ITGA2: variants seen among roughly 807,000 people sequenced by gnomAD.
ITGA2 encodes integrin subunit alpha 2.
In ITGA2, 101 loss-of-function variants were observed where a neutral mutation model predicts 146.3. The observed-to-expected ratio is 0.69, with a 90% CI of 0.59 to 0.81. The LOEUF (loss-of-function observed/expected upper bound fraction) is 0.81, where lower values mean the gene tolerates loss of function less well. Among genes scored for constraint, ITGA2 ranks in the 40% least tolerant of loss-of-function variants. The probability of loss-of-function intolerance (pLI) is 0.00; values close to 1 mark genes in which losing one functional copy is unlikely to be tolerated. For missense variants in ITGA2, 1,281 were observed against 1,402.7 expected (o/e 0.91, Z 1.39); for synonymous variants, 477 against 487.1 (o/e 0.98, Z 0.27).
Position 53,092,343 on chromosome 5 carries a change from A to C in ITGA2, c.*1744A>C, listed in dbSNP as rs1740468471. On this transcript the variant is annotated 3_prime_UTR_variant, in exon 30 of 30. Transcript: ENST00000296585. ...TATAATACAAATACACAATCCTCCA[A>C]GAATTTGACTTGGAAAAAAATGTCA... 6.6e-6 allele frequency: 1 copy of C among 151,922 alleles called. No homozygotes were observed. The allele number at this position is 151,922 out of a possible 1,614,324, so 9.4% of individuals were successfully genotyped here.
chr5:53,086,417 GTTCAAGTGCAC>G (rs1746159369), intron 27 of ITGA2, among the ~76,000 whole-genome samples: 1 of 152,148 alleles, frequency 6.6e-6, no homozygotes. Flanking sequence ...GGGTGGTCAA[GTTCAAGTGCAC>G]TTTTAAACAC....
At chr5:53,078,315 AC>A in intron 23 of ITGA2, among the ~76,000 whole-genome samples, 1 of 152,216 alleles carries the variant, frequency 6.6e-6, no homozygotes, top group East Asian at 1.9e-4. Flanking sequence ...CCAATAATGA[AC>A]ACTGAAGGAG....
Position 53,071,936 on chromosome 5 carries a change from A to T in ITGA2, c.2236-2A>T. On this transcript the variant is annotated splice_acceptor_variant, in intron 17 of 29. Coordinates refer to ENST00000296585, the MANE Select transcript of ITGA2 (RefSeq NM_002203.4). LOFTEE classifies it high-confidence loss of function. Reference sequence around the variant, plus strand: ...TGTATGTTTGTGTGTGTGTATGTTTAGGAGCCCTCTGATGTTGTCAACTCT... The same window carrying T: ...TGTATGTTTGTGTGTGTGTATGTTTTGGAGCCCTCTGATGTTGTCAACTCT... 6.2e-7 allele frequency: 1 copy of T among 1,609,426 alleles called. No homozygotes were observed. The highest frequency in any genetic ancestry group is 8.5e-7 in the Non-Finnish European group (1 of 1,176,402).
intron 8 of ITGA2, 118 bp from the exon 9 acceptor site, chr5:53,055,866 G>C (rs1744603123): frequency 7.9e-7 from 1 of 1,265,062 alleles, no homozygotes; most frequent in Admixed American, 1.8e-5. Context: ...AAGGGTTATG[G>C]AAATGTTGCT....
chr5:53,085,254 C>T (rs994673897), intron 27 of ITGA2, among the ~76,000 whole-genome samples: 7 of 152,224 alleles, frequency 4.6e-5, no homozygotes, highest in African/African-American at 1.4e-4. Context: ...GGCAACTTAA[C>T]ATTTCAAGTA....
chr5:53,052,553 T>G (rs767006731), intron 7 of ITGA2, among the ~76,000 whole-genome samples: 4 of 152,034 alleles, frequency 2.6e-5, no homozygotes, highest in Non-Finnish European at 4.4e-5. Context: ...TAATTCTTTT[T>G]GAAAAAAGCA....
At position 53,028,666 on chromosome 5, in the gene ITGA2, C is replaced by T. The variant is rs2111825037; in HGVS notation, c.185+1798C>T. On this transcript the variant is annotated intron_variant, in intron 2 of 29. Transcript: ENST00000296585. ...TTCATTCAACATCTCCACTTTAATG[C>T]CCAGTAGACATACCAAACTGAACTG... 2.0e-5 allele frequency among the ~76,000 whole-genome samples: 3 copies of T among 152,274 alleles called. No homozygotes were observed. The Middle Eastern group carries it at 0.01, about 518-fold the overall frequency.
At chr5:53,053,901 C>T (rs775436987) in intron 7 of ITGA2, among the ~76,000 whole-genome samples, 12 of 152,016 alleles carry the variant, frequency 7.9e-5, no homozygotes, top group Non-Finnish European at 1.5e-4. Flanking sequence ...TTAAGCACTG[C>T]GGGTAATTAA....
At chr5:53,060,757 G>A in intron 11 of ITGA2, 144 bp from the exon 12 acceptor site, 1 of 776,770 alleles carries the variant, frequency 1.3e-6, no homozygotes, top group Non-Finnish European at 2.3e-6. Context: ...AGGAAGACAT[G>A]TCCTCAGTGA....
intron 1 of ITGA2, among the ~76,000 whole-genome samples, chr5:52,994,504 G>T (rs555538308): frequency 3.8e-4 from 58 of 152,290 alleles, no homozygotes; most frequent in Middle Eastern, 3.4e-3. Context: ...TATGGGAAAA[G>T]AATTTTCATT....
chr5:53,073,289 A>G, intron 20 of ITGA2, 30 bp downstream of exon 20: 2 of 1,609,966 alleles, frequency 1.2e-6, no homozygotes, highest in Non-Finnish European at 1.7e-6. Context: ...ACTTACTTCC[A>G]CCATGCTTCC....
At chr5:53,045,369 T>C (rs1744025260) in intron 4 of ITGA2, among the ~76,000 whole-genome samples, 1 of 152,224 alleles carries the variant, frequency 6.6e-6, no homozygotes, top group African/African-American at 2.4e-5. Flanking sequence ...GCTGAGTATT[T>C]GTTGATAACA....
intron 25 of ITGA2, 96 bp downstream of exon 25, chr5:53,080,717 A>G: frequency 1.1e-6 from 1 of 871,620 alleles, no homozygotes; most frequent in Non-Finnish European, 1.9e-6. Flanking sequence ...CAGATGGGAA[A>G]CAGATGGTAA....
intron 23 of ITGA2, among the ~76,000 whole-genome samples, chr5:53,077,598 A>G (rs1008639065): frequency 6.6e-6 from 1 of 152,080 alleles, no homozygotes; most frequent in Admixed American, 6.6e-5. Context: ...GGCATAGGAA[A>G]TAATTCATGC....
At chr5:53,040,867 C>A (rs545392445) in intron 2 of ITGA2, among the ~76,000 whole-genome samples, 2 of 152,122 alleles carry the variant, frequency 1.3e-5, no homozygotes, top group South Asian at 2.1e-4. Flanking sequence ...ATTTTTGTAA[C>A]CTTGGACCAT....
chr5:53,038,109 A>G (rs3797498), intron 2 of ITGA2, among the ~76,000 whole-genome samples: 41,893 of 151,690 alleles, frequency 0.28, 5,857 homozygotes, highest in Admixed American at 0.32. Flanking sequence ...GGTGACAGGG[A>G]GAGTGTCCAG....
Position 53,055,575 on chromosome 5 carries a change from A to C in ITGA2, c.817A>C (p.Ser273Arg). The change falls in exon 8 of 30, where the codon AGT (serine) becomes CGT (arginine). Residue 273 changes from serine to arginine, a missense_variant. Transcript: ENST00000296585. ...TTCAGCAGCTTCTGGTGGGCGACGA[A>C]GTGCTACGAAAGTAATGGTAGTTGT... is the stretch of plus-strand genomic sequence containing the variant. ...AYSAASGGRRSATKVMVVVTD... is the reference protein window; with the variant it reads ...AYSAASGGRRRATKVMVVVTD... 6.2e-7 allele frequency: 1 copy of C among 1,613,264 alleles called. No homozygotes were observed. The highest frequency in any genetic ancestry group is 8.5e-7 in the Non-Finnish European group (1 of 1,179,414).
Position 53,072,010 on chromosome 5 carries a change from GC to G in ITGA2, c.2311del (p.Glu772LysfsTer28). The G allele has an allele frequency of 1.2e-6, 2 of 1,612,230 alleles. No homozygotes were observed. Among genetic ancestry groups the G allele is most frequent in the Non-Finnish European group, 1.7e-6 (2 of 1,178,872 alleles). ...ISLENPGTSP[A>X]LEAYSETAKV... is the part of the protein sequence containing the mutation. ...TCTGGAAAACCCTGGCACTAGCCCT[GC>G]CCTTGAAGCCTATTCTGAGACTGCC... On this transcript the variant is annotated frameshift_variant, in exon 18 of 30. Transcript: ENST00000296585. LOFTEE classifies it high-confidence loss of function.
intron 16 of ITGA2, among the ~76,000 whole-genome samples, chr5:53,068,479 T>G (rs1745245346): frequency 6.6e-6 from 1 of 151,934 alleles, no homozygotes; most frequent in African/African-American, 2.4e-5. Flanking sequence ...CCCCGAAGCA[T>G]AGAGGTGTCT....
Sources: gnomAD v4.1 joint callset for allele counts (sites outside exome capture counted in the v4.1 genomes callset) on GRCh38, gnomAD v4.1.1 for gene constraint, MANE v1.5 for transcripts, NCBI Gene and HGNC (gene_info 2026-07-23, HGNC 2026-07-21) for gene names.